GLG1: variants seen among roughly 807,000 people sequenced by gnomAD.
GLG1 encodes golgi glycoprotein 1.
GLG1 carries 38 observed loss-of-function variants against 160.5 expected under a neutral mutation model. The observed-to-expected ratio is 0.24, with a 90% CI of 0.18 to 0.31. The LOEUF (loss-of-function observed/expected upper bound fraction) is 0.31, where lower values mean the gene tolerates loss of function less well. GLG1 is among the 10% of genes least tolerant of loss of function. GLG1 has a pLI of 1.00. For missense variants in GLG1, 1,373 were observed against 1,505.2 expected, an observed-to-expected ratio of 0.91 and a Z score of 1.45; for synonymous variants, 644 against 543.4, an observed-to-expected ratio of 1.19 and a Z score of -2.57.
At chr16:74,463,214 A>G in intron 20 of GLG1, 142 bp downstream of exon 20, 1 of 743,066 alleles carries the variant, frequency 1.3e-6, no homozygotes, top group South Asian at 1.9e-5. Flanking sequence ...TCCTCAAAGG[A>G]GGAAGGCCCT....
At chr16:74,492,797 C>A (rs2016048387) in intron 7 of GLG1, among the ~76,000 whole-genome samples, 160 bp downstream of exon 7, 1 of 142,962 alleles carries the variant, frequency 7.0e-6, no homozygotes, top group Non-Finnish European at 1.5e-5. Context: ...CCAGCCTGGG[C>A]GACAGAGCGA....
chr16:74,463,560 G>A, intron 19 of GLG1, 81 bp from the exon 20 acceptor site: 1 of 1,407,528 alleles, frequency 7.1e-7, no homozygotes, highest in South Asian at 1.2e-5. Flanking sequence ...TTTTTCTGGA[G>A]ACGGAGTCTC....
At chr16:74,602,522 G>C (rs1317806866) in intron 1 of GLG1, among the ~76,000 whole-genome samples, 1 of 152,204 alleles carries the variant, frequency 6.6e-6, no homozygotes, top group African/African-American at 2.4e-5. Context: ...GGTGACTCAC[G>C]CCTGTAATCC....
In GLG1 at chr16:74,469,054, C is replaced by G. The variant is rs747772613; in HGVS notation, c.2328G>C (p.Val776=). Residue 776 remains valine, a synonymous_variant, in exon 17 of 26, where the codon GTG becomes GTC. Transcript: ENST00000422840. Reference sequence around the variant, plus strand: ...GCACGGTCGTGCTCAGGCAGATCACCACGTCCACCCTGCAGACGAAAGAAG... The same window carrying G: ...GCACGGTCGTGCTCAGGCAGATCACGACGTCCACCCTGCAGACGAAAGAAG... ...LCPNIKKKVD[V]VICLSTTVRN... is the part of the protein sequence containing the mutation. The G allele has an allele frequency of 5.0e-6, 8 of 1,612,644 alleles. No homozygotes were observed. In the South Asian group the frequency reaches 8.8e-5, roughly 18 times the overall value.
At chr16:74,542,545 C>A (rs1362116140) in intron 1 of GLG1, among the ~76,000 whole-genome samples, 3 of 151,338 alleles carry the variant, frequency 2.0e-5, no homozygotes, top group Admixed American at 6.6e-5. Context: ...GTAGCAGGTA[C>A]CTGTAATCCC....
chr16:74,477,908 C>T (rs551637759), intron 11 of GLG1, among the ~76,000 whole-genome samples: 594 of 151,498 alleles, frequency 3.9e-3, no homozygotes, highest in Non-Finnish European at 6.8e-3. Context: ...GGGAGGTGGA[C>T]ATTGTGGTGA....
intron 8 of GLG1, among the ~76,000 whole-genome samples, chr16:74,486,593 T>A (rs954143130): frequency 1.3e-5 from 2 of 152,238 alleles, no homozygotes; most frequent in Non-Finnish European, 2.9e-5. Context: ...TACTTTTCCA[T>A]CTTGTCATGG....
In GLG1 at chr16:74,448,876, G is replaced by A. The variant is rs11647149; in HGVS notation, c.*4291C>T. The A allele has an allele frequency of 0.26, 40,125 of 151,958 alleles. 5,730 individuals are homozygous for A. Among genetic ancestry groups the A allele is most frequent in the Middle Eastern group, 0.36 (105 of 292 alleles). The allele number at this position is 151,958 out of a possible 1,614,324, so 9.4% of individuals were successfully genotyped here. ...CGGCCACTTTGGAAGGCCGAAGTGG[G>A]CACATCATGAGGTCAGGAGATGGAG... On this transcript the variant is annotated 3_prime_UTR_variant, in exon 26 of 26. Coordinates refer to ENST00000422840, the MANE Select transcript of GLG1 (RefSeq NM_001145667.2).
intron 4 of GLG1, among the ~76,000 whole-genome samples, chr16:74,501,446 T>C (rs747735546): frequency 6.6e-6 from 1 of 152,218 alleles, no homozygotes; most frequent in Non-Finnish European, 1.5e-5. Context: ...TTATTTTATC[T>C]AAGTGAATAA....
chr16:74,573,045 C>T (rs1197109442), intron 1 of GLG1, among the ~76,000 whole-genome samples: 1 of 152,170 alleles, frequency 6.6e-6, no homozygotes, highest in Non-Finnish European at 1.5e-5. Context: ...AAAATCCATA[C>T]ATCTGGTGCC....
chr16:74,500,907 A>G (rs1302034842), intron 4 of GLG1, among the ~76,000 whole-genome samples: 1 of 152,210 alleles, frequency 6.6e-6, no homozygotes, highest in Non-Finnish European at 1.5e-5. Context: ...AATTTATATT[A>G]ACATTTGAAA....
chr16:74,597,345 C>T (rs1454586626), intron 1 of GLG1, among the ~76,000 whole-genome samples: 2 of 147,236 alleles, frequency 1.4e-5, no homozygotes, highest in South Asian at 2.2e-4. Flanking sequence ...GCAGGAGAAT[C>T]GCTTGAACCA....
chr16:74,481,406 A>C (rs1280653330), intron 10 of GLG1, among the ~76,000 whole-genome samples: 9 of 152,174 alleles, frequency 5.9e-5, no homozygotes, highest in Admixed American at 5.9e-4. Context: ...TGGGAGAAAA[A>C]AGCTAATATT....
chr16:74,506,363 G>C (rs1279925471), intron 3 of GLG1, among the ~76,000 whole-genome samples: 1 of 151,276 alleles, frequency 6.6e-6, no homozygotes, highest in Non-Finnish European at 1.5e-5. Flanking sequence ...CGGATCACGA[G>C]GTCAGGAGAC....
chr16:74,570,328 A>G (rs1240725793), intron 1 of GLG1, among the ~76,000 whole-genome samples: 1 of 152,188 alleles, frequency 6.6e-6, no homozygotes, highest in African/African-American at 2.4e-5. Context: ...ACTACCAGGT[A>G]TTTGTCTCTT....
chr16:74,572,026 AT>A (rs1369108143), intron 1 of GLG1, among the ~76,000 whole-genome samples: 1 of 152,030 alleles, frequency 6.6e-6, no homozygotes, highest in Non-Finnish European at 1.5e-5. Context: ...AATGAATTGA[AT>A]GGTGGTGTTG....
At position 74,493,208 on chromosome 16, in the gene GLG1, A is replaced by C. The variant is rs2016067154; in HGVS notation, c.1051-68T>G. 3.0e-6 allele frequency: 3 copies of C among 1,002,140 alleles called. No homozygotes were observed. The Admixed American group carries it at 6.8e-5, about 23-fold the overall frequency. The allele number at this position is 1,002,140 out of a possible 1,614,324, so 62.1% of individuals were successfully genotyped here. On this transcript the variant is annotated intron_variant, in intron 6 of 25. Transcript: ENST00000422840. ...ACTTTACTGTTGACGTGTACCACTA[A>C]GATGAGCACAGCGACTCAGCCAAGT...
intron 8 of GLG1, among the ~76,000 whole-genome samples, chr16:74,488,306 C>T (rs1275148614): frequency 6.6e-6 from 1 of 152,064 alleles, no homozygotes; most frequent in Non-Finnish European, 1.5e-5. Flanking sequence ...GTTTGGGAGG[C>T]CAAAACGGGC....
At chr16:74,584,146 C>T (rs918350396) in intron 1 of GLG1, among the ~76,000 whole-genome samples, 1 of 152,082 alleles carries the variant, frequency 6.6e-6, no homozygotes, top group Admixed American at 6.6e-5. Flanking sequence ...CATTCTCCTA[C>T]CCAAGAATGT....
Sources: allele counts gnomAD v4.1 joint callset (sites outside exome capture counted in the v4.1 genomes callset), GRCh38; gene constraint gnomAD v4.1.1; transcripts MANE v1.5; gene names NCBI Gene and HGNC (gene_info 2026-07-23, HGNC 2026-07-21).